Variants in SMARCB1 observed in about 807,000 individuals in gnomAD.
SMARCB1 encodes the protein SWI/SNF related BAF chromatin remodeling complex subunit B1.
In SMARCB1, 5 loss-of-function variants were observed where a neutral mutation model predicts 49.0. The observed-to-expected ratio is 0.10, with a 90% CI of 0.05 to 0.21. The LOEUF (loss-of-function observed/expected upper bound fraction) is 0.21. Ranked by LOEUF, SMARCB1 falls within the 10% of genes least tolerant of loss-of-function variation. The pLI is 1.00. For synonymous variants in SMARCB1, 201 were observed against 200.1 expected (o/e 1.00, Z -0.04); for missense variants, 226 against 509.2 (o/e 0.44, Z 5.35).
chr22:23,792,321 A>G, intron 2 of SMARCB1: 1 of 342,960 alleles, frequency 2.9e-6, no homozygotes, highest in South Asian at 2.3e-5. Context: ...CATCCATCCC[A>G]TAGCACTTCA....
chr22:23,824,765 A>G (rs2030285439), intron 6 of SMARCB1: 1 of 208,594 alleles, frequency 4.8e-6, no homozygotes, highest in Non-Finnish European at 9.9e-6. Flanking sequence ...ATCTGTGAAC[A>G]CGCTAGGCAG....
intron 5 of SMARCB1, among the ~76,000 whole-genome samples, chr22:23,804,745 T>C (rs1341539549): frequency 6.6e-6 from 1 of 152,232 alleles, no homozygotes; most frequent in African/African-American, 2.4e-5. Flanking sequence ...GGTTTCACCA[T>C]GTTAGCCAGG....
chr22:23,834,542 T>G lies in SMARCB1; in HGVS notation c.*362T>G, dbSNP rs116375770. The G allele has an allele frequency of 9.5e-4, 627 of 660,216 alleles. 5 individuals carry two copies. The African/African-American group carries it at 0.016, about 16-fold the overall frequency. 40.9% of individuals were successfully genotyped at this position (660,216 alleles called of 1,614,324 possible). A position where few individuals can be genotyped will look rare whatever the true frequency, so the allele number is the denominator to read the frequency against. On this transcript the variant is annotated 3_prime_UTR_variant, in exon 9 of 9. Coordinates refer to ENST00000644036, the MANE Select transcript of SMARCB1 (RefSeq NM_003073.5). Reference sequence around the variant, plus strand: ...CAGGTCATGTTCAATTTCTTCAAAGTTTTAACATAAAAATAATGAGAGCCA... The same window carrying G: ...CAGGTCATGTTCAATTTCTTCAAAGGTTTAACATAAAAATAATGAGAGCCA...
At chr22:23,803,207 A>G in intron 4 of SMARCB1, 88 bp from the exon 5 acceptor site, 1 of 1,566,392 alleles carries the variant, frequency 6.4e-7, no homozygotes, top group Non-Finnish European at 8.8e-7. Flanking sequence ...GGGTTTGCAG[A>G]AGCCTGCTGT....
In SMARCB1 at chr22:23,837,147, C is replaced by G; in HGVS notation, c.*2967C>G. 1 of 1,613,936 alleles carries G rather than the reference C, an allele frequency of 6.2e-7. No homozygotes were observed. The highest frequency in any genetic ancestry group is 8.5e-7 in the Non-Finnish European group (1 of 1,179,906). ...CCAGGAAGTAGTAGATATGGCCCACCGCAATCCCTGTGAGACAGCCACGGA... is the reference window on the plus strand; with the variant it reads ...CCAGGAAGTAGTAGATATGGCCCACGGCAATCCCTGTGAGACAGCCACGGA... On this transcript the variant is annotated 3_prime_UTR_variant, in exon 9 of 9. Coordinates refer to ENST00000644036, the MANE Select transcript of SMARCB1 (RefSeq NM_003073.5).
chr22:23,799,612 A>C (rs1312683259), intron 3 of SMARCB1, among the ~76,000 whole-genome samples: 1 of 146,296 alleles, frequency 6.8e-6, no homozygotes, highest in East Asian at 2.0e-4. Flanking sequence ...TCCTGGGTTC[A>C]AGTGATTCTC....
intron 6 of SMARCB1, among the ~76,000 whole-genome samples, chr22:23,819,568 C>T (rs554501305): frequency 4.6e-5 from 7 of 152,214 alleles, no homozygotes; most frequent in Admixed American, 3.3e-4. Context: ...GCCTCAGCCT[C>T]CCAAACTCAA....
intron 3 of SMARCB1, among the ~76,000 whole-genome samples, chr22:23,794,154 G>A (rs1928596937): frequency 6.6e-6 from 1 of 152,220 alleles, no homozygotes; most frequent in African/African-American, 2.4e-5. Context: ...TGTTGGTCAG[G>A]CTGGTCTCGA....
chr22:23,813,145 G>T (rs35609719), intron 5 of SMARCB1, among the ~76,000 whole-genome samples: 2 of 152,284 alleles, frequency 1.3e-5, no homozygotes, highest in East Asian at 3.9e-4. Context: ...GATTACAGGC[G>T]TGAGCCACAG....
chr22:23,814,099 G>A (rs1477660267), intron 5 of SMARCB1, among the ~76,000 whole-genome samples: 1 of 152,076 alleles, frequency 6.6e-6, no homozygotes, highest in Non-Finnish European at 1.5e-5. Flanking sequence ...CAAAGTGCTG[G>A]GATTACAGGC....
Position 23,787,178 on chromosome 22 carries a change from G to T in SMARCB1, c.9G>T (p.Met3Ile), listed in dbSNP as rs748542371. Residue 3 changes from methionine to isoleucine, a missense_variant, in exon 1 of 9, where the codon ATG becomes ATT. Coordinates refer to ENST00000644036, the MANE Select transcript of SMARCB1 (RefSeq NM_003073.5). ...CCGCCTCTGCCGCCGCAATGATGAT[G>T]ATGGCGCTGAGCAAGACCTTCGGGC... Reference protein sequence around the residue: MMMMALSKTFGQK... With the variant: MMIMALSKTFGQK... 1.9e-6 allele frequency: 3 copies of T among 1,607,358 alleles called. No homozygotes were observed. The highest frequency in any genetic ancestry group is 2.6e-6 in the Non-Finnish European group (3 of 1,176,014).
At chr22:23,830,313 TTGC>T (rs1192773008) in intron 7 of SMARCB1, among the ~76,000 whole-genome samples, 1 of 152,222 alleles carries the variant, frequency 6.6e-6, no homozygotes, top group Admixed American at 6.5e-5. Flanking sequence ...CTGCTGGCAT[TTGC>T]TGTTCTCTTT....
Position 23,787,300 on chromosome 22 carries a change from CCCCGCGGGAGCCCCGGGGCGGG to C in SMARCB1, c.93+42_93+63del, listed in dbSNP as rs775521463. ...GCGTTCTCGCCCTCCCCGGGCTCGG[CCCCGCGGGAGCCCCGGGGCGGG>C]CCCATGCGCCGAGAGCGCGCGTCTC... On this transcript the variant is annotated intron_variant, in intron 1 of 8. Coordinates refer to ENST00000644036, the MANE Select transcript of SMARCB1 (RefSeq NM_003073.5). 92 of 1,328,078 alleles carry C rather than the reference CCCCGCGGGAGCCCCGGGGCGGG, an allele frequency of 6.9e-5. No individual in the cohort carries two copies. In the Admixed American group the frequency reaches 7.6e-4, roughly 11 times the overall value. 82.3% of individuals were successfully genotyped at this position (1,328,078 alleles called of 1,614,324 possible).
Position 23,831,833 on chromosome 22 carries a change from G to A in SMARCB1, c.987-1739G>A, listed in dbSNP as rs562685915. Among the ~76,000 whole-genome samples the A allele has an allele frequency of 1.7e-4, 26 of 152,328 alleles. No individual in the cohort carries two copies. The South Asian group carries it at 5.4e-3, about 32-fold the overall frequency. Reference sequence around the variant, plus strand: ...GGGTCTGAGGCTAGGGTGGTCCCTAGACTGCTAAACCACCCGGTGCTGGCC... The same window carrying A: ...GGGTCTGAGGCTAGGGTGGTCCCTAAACTGCTAAACCACCCGGTGCTGGCC... On this transcript the variant is annotated intron_variant, in intron 7 of 8. Coordinates refer to ENST00000644036, the MANE Select transcript of SMARCB1 (RefSeq NM_003073.5).
intron 7 of SMARCB1, among the ~76,000 whole-genome samples, chr22:23,827,079 T>C (rs2030421854): frequency 1.3e-5 from 2 of 152,056 alleles, no homozygotes; most frequent in South Asian, 2.1e-4. Context: ...TCCACCAGAG[T>C]TGACTCTGAG....
chr22:23,831,187 C>T (rs933541581), intron 7 of SMARCB1, among the ~76,000 whole-genome samples: 8 of 152,202 alleles, frequency 5.3e-5, no homozygotes, highest in Admixed American at 2.0e-4. Flanking sequence ...CCTTCCTGGT[C>T]GAGTGGCTGT....
At chr22:23,809,814 A>C (rs559760338) in intron 5 of SMARCB1, among the ~76,000 whole-genome samples, 5 of 152,312 alleles carry the variant, frequency 3.3e-5, no homozygotes, top group African/African-American at 1.2e-4. Context: ...TCCTGTACCC[A>C]GTGACAATAT....
rs2031197716 is a variant in SMARCB1, at chr22:23,837,703, C to T, written c.*3523C>T. On this transcript the variant is annotated 3_prime_UTR_variant, in exon 9 of 9. Transcript: ENST00000644036. ...GGAGTTGCCCAGCAGCAGCGAGAAGCCCATGAGCGCCCAAGGCAGGAACGG... is the reference window on the plus strand; with the variant it reads ...GGAGTTGCCCAGCAGCAGCGAGAAGTCCATGAGCGCCCAAGGCAGGAACGG... The T allele has an allele frequency of 6.2e-7, 1 of 1,613,914 alleles. No homozygotes were observed. The highest frequency in any genetic ancestry group is 8.5e-7 in the Non-Finnish European group (1 of 1,179,962).
chr22:23,829,402 G>A (rs999810477), intron 7 of SMARCB1, among the ~76,000 whole-genome samples: 1 of 152,154 alleles, frequency 6.6e-6, no homozygotes, highest in Non-Finnish European at 1.5e-5. Flanking sequence ...CTGTGGATCA[G>A]GCAGGGTATC....
Sources: allele counts gnomAD v4.1 joint callset (sites outside exome capture counted in the v4.1 genomes callset), GRCh38; gene constraint gnomAD v4.1.1; transcripts MANE v1.5; gene names NCBI Gene and HGNC (gene_info 2026-07-23, HGNC 2026-07-21).